Variants in LTBP1 observed in about 807,000 individuals in gnomAD.
LTBP1 encodes latent-transforming growth factor beta-binding protein 1.
In LTBP1, 129 loss-of-function variants were observed where a neutral mutation model predicts 207.6. The observed-to-expected ratio is 0.62, with a 90% CI of 0.54 to 0.72. The LOEUF is 0.72. LTBP1 is among the 30% of genes least tolerant of loss of function. The probability of loss-of-function intolerance (pLI) is 0.00; values close to 1 mark genes in which losing one functional copy is unlikely to be tolerated. For missense variants in LTBP1, 2,281 were observed against 2,217.2 expected, an observed-to-expected ratio of 1.03 and a Z score of -0.58; for synonymous variants, 963 against 833.7, an observed-to-expected ratio of 1.16 and a Z score of -2.67.
intron 3 of LTBP1, among the ~76,000 whole-genome samples, chr2:33,072,764 T>G (rs1323130765): frequency 6.6e-6 from 1 of 152,188 alleles, no homozygotes; most frequent in Non-Finnish European, 1.5e-5. Flanking sequence ...ATCACGCAAG[T>G]ACTCTCAGAA....
intron 15 of LTBP1, 130 bp downstream of exon 15, chr2:33,263,522 C>A: frequency 1.7e-6 from 1 of 586,604 alleles, no homozygotes; most frequent in Non-Finnish European, 3.0e-6. Flanking sequence ...ATTTGGAAAT[C>A]ATCTAAATAC....
intron 3 of LTBP1, among the ~76,000 whole-genome samples, chr2:33,089,108 A>G (rs1024319552): frequency 1.3e-5 from 2 of 149,714 alleles, no homozygotes; most frequent in Admixed American, 6.7e-5. Flanking sequence ...GTGAGCCAAG[A>G]TCGCACCACT....
In LTBP1 at chr2:33,243,661, G is replaced by A; in HGVS notation, c.1877-1G>A. 2.5e-6 allele frequency: 4 copies of A among 1,613,670 alleles called. No homozygotes were observed. Among genetic ancestry groups the A allele is most frequent in the Non-Finnish European group, 3.4e-6 (4 of 1,179,770 alleles). On this transcript the variant is annotated splice_acceptor_variant, in intron 9 of 33. Coordinates refer to ENST00000404816, the MANE Select transcript of LTBP1 (RefSeq NM_206943.4). LOFTEE classifies it high-confidence loss of function. ...TTCTAAAGAATTGTGTTTTCCTGCAGATATTAATGAATGTCAGCTACAAGG... is the reference window on the plus strand; with the variant it reads ...TTCTAAAGAATTGTGTTTTCCTGCAAATATTAATGAATGTCAGCTACAAGG...
chr2:33,315,233 G>C lies in LTBP1; in HGVS notation c.3694G>C (p.Gly1232Arg), dbSNP rs769279730. The C allele has an allele frequency of 5.6e-6, 9 of 1,613,426 alleles. No homozygotes were observed. Among genetic ancestry groups the C allele is most frequent in the East Asian group, 2.2e-5 (1 of 44,870 alleles). ...TTCTTTCCATTGTGTCTGCCAGCAGGGTTTCTCAATCTCTGCAGATGGCCG... is the reference window on the plus strand; with the variant it reads ...TTCTTTCCATTGTGTCTGCCAGCAGCGTTTCTCAATCTCTGCAGATGGCCG... ...EGSFHCVCQQGFSISADGRTC... is the reference protein window; with the variant it reads ...EGSFHCVCQQRFSISADGRTC... The change falls in exon 24 of 34, where the codon GGT (glycine) becomes CGT (arginine). Residue 1232 changes from glycine to arginine, a missense_variant. Gly to Arg is a moderately radical substitution (Grantham distance 125, BLOSUM62 -2). Transcript: ENST00000404816.
intron 5 of LTBP1, among the ~76,000 whole-genome samples, chr2:33,157,862 C>T (rs933735028): frequency 6.6e-6 from 1 of 152,112 alleles, no homozygotes; most frequent in African/African-American, 2.4e-5. Flanking sequence ...AAAATATAGG[C>T]CACATGCGGT....
chr2:33,059,597 G>A (rs1198425050), intron 3 of LTBP1, among the ~76,000 whole-genome samples: 1 of 152,188 alleles, frequency 6.6e-6, no homozygotes, highest in Non-Finnish European at 1.5e-5. Flanking sequence ...GGATTTGAGA[G>A]GCTTGTGTTT....
intron 2 of LTBP1, among the ~76,000 whole-genome samples, chr2:32,952,037 T>C (rs1253093145): frequency 6.6e-6 from 1 of 152,182 alleles, no homozygotes; most frequent in Non-Finnish European, 1.5e-5. Flanking sequence ...ATGAAGAATT[T>C]GAGTTTATAT....
At chr2:33,257,972 AG>A (rs2092908625) in intron 12 of LTBP1, among the ~76,000 whole-genome samples, 1 of 152,248 alleles carries the variant, frequency 6.6e-6, no homozygotes, top group African/African-American at 2.4e-5. Context: ...TCAGTTGAAG[AG>A]ATCTGGTGAT....
chr2:33,037,774 G>A (rs982774686), intron 3 of LTBP1, among the ~76,000 whole-genome samples: 2 of 152,128 alleles, frequency 1.3e-5, no homozygotes, highest in South Asian at 2.1e-4. Flanking sequence ...CTAGAGTGCC[G>A]TGGCATGACC....
intron 3 of LTBP1, among the ~76,000 whole-genome samples, chr2:33,049,886 G>A (rs1253236364): frequency 6.6e-6 from 1 of 150,928 alleles, no homozygotes; most frequent in African/African-American, 2.4e-5. Flanking sequence ...TTGTTGCTCA[G>A]CCTGGAGTGC....
intron 5 of LTBP1, among the ~76,000 whole-genome samples, chr2:33,164,352 GAAAAAAAAAA>G (rs56916166): frequency 0.039 from 1,096 of 28,224 alleles, 25 homozygotes; most frequent in African/African-American, 0.12. Context: ...TTCCTCTCAG[GAAAAAAAAAA>G]AAAAAAAAAA....
At chr2:33,152,775 A>G (rs1023136185) in intron 5 of LTBP1, among the ~76,000 whole-genome samples, 5 of 152,140 alleles carry the variant, frequency 3.3e-5, no homozygotes, top group Non-Finnish European at 2.9e-5. Flanking sequence ...CCTTTGTCCA[A>G]TTTTGAATTG....
intron 3 of LTBP1, among the ~76,000 whole-genome samples, chr2:33,021,535 G>T (rs1382528599): frequency 6.6e-6 from 1 of 152,030 alleles, no homozygotes; most frequent in Non-Finnish European, 1.5e-5. Context: ...GTTTTTGAGG[G>T]GGGAGCTGCT....
intron 2 of LTBP1, among the ~76,000 whole-genome samples, chr2:32,989,145 C>T (rs558354228): frequency 6.6e-6 from 1 of 152,190 alleles, no homozygotes; most frequent in South Asian, 2.1e-4. Context: ...CTCAGAAATC[C>T]ATGTTAGAAG....
At chr2:33,188,431 A>AAAAAAAAC (rs2087451510) in intron 6 of LTBP1, 146 bp from the exon 7 acceptor site, 1 of 531,948 alleles carries the variant, frequency 1.9e-6, no homozygotes, top group African/African-American at 1.9e-5. Flanking sequence ...CCATCTCAAA[A>AAAAAAAAC]AAAAAAAAAA....
chr2:33,294,592 T>TG (rs1308235353), intron 20 of LTBP1, among the ~76,000 whole-genome samples: 2 of 150,280 alleles, frequency 1.3e-5, no homozygotes, highest in African/African-American at 4.9e-5. Context: ...TTTTTTTTTT[T>TG]TTTGGAGACA....
chr2:33,345,359 G>T (rs2094688106), intron 25 of LTBP1, among the ~76,000 whole-genome samples: 1 of 152,208 alleles, frequency 6.6e-6, no homozygotes, highest in Non-Finnish European at 1.5e-5. Context: ...GCTCATCATT[G>T]TTACCCCACA....
chr2:33,253,566 C>T (rs1268008120), intron 11 of LTBP1, among the ~76,000 whole-genome samples: 1 of 152,166 alleles, frequency 6.6e-6, no homozygotes, highest in Admixed American at 6.6e-5. Context: ...CAAGGAATGG[C>T]TTCAATGTCA....
chr2:33,082,432 CTTTTTTTTTTTT>C (rs56058653), intron 3 of LTBP1, among the ~76,000 whole-genome samples: 19 of 29,342 alleles, frequency 6.5e-4, no homozygotes, highest in African/African-American at 2.1e-3. Context: ...GTATGACTCA[CTTTTTTTTTTTT>C]TTTTTTTTTT....
Sources: gnomAD v4.1 joint callset for allele counts (sites outside exome capture counted in the v4.1 genomes callset) on GRCh38, gnomAD v4.1.1 for gene constraint, MANE v1.5 for transcripts, NCBI Gene and HGNC (gene_info 2026-07-23, HGNC 2026-07-21) for gene names.